The following SLC9A2 variants were observed in gnomAD, a reference collection of about 807,000 sequenced individuals.
SLC9A2 encodes solute carrier family 9 member A2.
In SLC9A2, 42 loss-of-function variants were observed where a neutral mutation model predicts 71.7. That is an observed-to-expected ratio of 0.59 (90% CI 0.46 to 0.76). The LOEUF is 0.76. Among genes scored for constraint, SLC9A2 ranks in the 30% least tolerant of loss-of-function variants. The pLI is 0.00. For missense variants in SLC9A2, 829 were observed against 1,017.4 expected (o/e 0.81, Z 2.52); for synonymous variants, 396 against 392.5 (o/e 1.01, Z -0.10).
At chr2:102,639,593 T>TA (rs1397493449) in intron 1 of SLC9A2, among the ~76,000 whole-genome samples, 1 of 152,224 alleles carries the variant, frequency 6.6e-6, no homozygotes, top group Non-Finnish European at 1.5e-5. Context: ...AGTGAACAAT[T>TA]CAGTGGCATT....
chr2:102,701,925 AG>A (rs1258938039), intron 8 of SLC9A2, among the ~76,000 whole-genome samples: 1 of 152,214 alleles, frequency 6.6e-6, no homozygotes, highest in Non-Finnish European at 1.5e-5. Flanking sequence ...AATATTAGCA[AG>A]TAGGTGAGGT....
intron 1 of SLC9A2, 114 bp from the exon 2 acceptor site, chr2:102,657,450 C>A: frequency 1.5e-6 from 1 of 665,638 alleles, no homozygotes. Context: ...GACAGTGATA[C>A]TGACTTGGGA....
chr2:102,690,240 C>T (rs1299530274), intron 5 of SLC9A2, among the ~76,000 whole-genome samples: 2 of 152,112 alleles, frequency 1.3e-5, no homozygotes, highest in Non-Finnish European at 2.9e-5. Flanking sequence ...AGGCCTCTAG[C>T]AACTGTGACA....
At chr2:102,682,968 C>G (rs1390433900) in intron 3 of SLC9A2, among the ~76,000 whole-genome samples, 2 of 152,142 alleles carry the variant, frequency 1.3e-5, no homozygotes, top group African/African-American at 4.8e-5. Flanking sequence ...GAAAGGAGAG[C>G]TGATGGTGTC....
chr2:102,634,721 T>G (rs555869496), intron 1 of SLC9A2, among the ~76,000 whole-genome samples: 1 of 152,356 alleles, frequency 6.6e-6, no homozygotes, highest in African/African-American at 2.4e-5. Flanking sequence ...ATTTTTTTTC[T>G]GCTTTTGCTA....
In SLC9A2 at chr2:102,619,801, G is replaced by T. The variant is rs991236607; in HGVS notation, c.-48G>T. 6.9e-7 allele frequency: 1 copy of T among 1,441,882 alleles called. No homozygotes were observed. The highest frequency in any genetic ancestry group is 9.1e-7 in the Non-Finnish European group (1 of 1,098,584). 89.3% of individuals were successfully genotyped at this position (1,441,882 alleles called of 1,614,324 possible). A position where few individuals can be genotyped will look rare whatever the true frequency, so the allele number is the denominator to read the frequency against. ...GCAGCCCGGGCGCGATGCGTTGAGC[G>T]CTCGGAGGGCCAACCGCCGGTCCCC... On this transcript the variant is annotated 5_prime_UTR_variant, in exon 1 of 12. Coordinates refer to ENST00000233969, the MANE Select transcript of SLC9A2 (RefSeq NM_003048.6). This position sits in a 1 kb window ranked among gnomAD's most constrained non-coding sequence, Gnocchi z 4.3.
At chr2:102,654,989 G>T (rs1195484711) in intron 1 of SLC9A2, among the ~76,000 whole-genome samples, 6 of 152,320 alleles carry the variant, frequency 3.9e-5, no homozygotes, top group African/African-American at 1.4e-4. Context: ...AATGGAGTTT[G>T]CAGGACTGGA....
At chr2:102,708,062 A>T in intron 11 of SLC9A2, 57 bp from the exon 12 acceptor site, 5 of 1,554,992 alleles carry the variant, frequency 3.2e-6, no homozygotes, top group Non-Finnish European at 4.3e-6. Flanking sequence ...TACTGAAGTT[A>T]CTTGCAATGC....
At chr2:102,675,645 C>T (rs903537443) in intron 3 of SLC9A2, among the ~76,000 whole-genome samples, 7 of 152,010 alleles carry the variant, frequency 4.6e-5, no homozygotes, top group Admixed American at 4.6e-4. Context: ...TGTGAAGATG[C>T]CTGCACACTA....
At chr2:102,665,691 A>C (rs1347741806) in intron 3 of SLC9A2, among the ~76,000 whole-genome samples, 1 of 141,452 alleles carries the variant, frequency 7.1e-6, no homozygotes. Flanking sequence ...GGAGGATGGC[A>C]TGAACCCGGG....
intron 3 of SLC9A2, among the ~76,000 whole-genome samples, chr2:102,675,495 G>C (rs1226648069): frequency 1.3e-5 from 2 of 152,120 alleles, no homozygotes; most frequent in Non-Finnish European, 2.9e-5. Flanking sequence ...TGGTACTCTG[G>C]GTGAAAGCTG....
chr2:102,658,768 TTGAG>T (rs1676994956), intron 2 of SLC9A2, among the ~76,000 whole-genome samples: 1 of 152,060 alleles, frequency 6.6e-6, no homozygotes, highest in Non-Finnish European at 1.5e-5. Context: ...CAGGCAAGGA[TTGAG>T]AGAAGGGATG....
intron 1 of SLC9A2, among the ~76,000 whole-genome samples, chr2:102,646,768 A>ATATATATATAT (rs1676731084): frequency 6.8e-5 from 9 of 132,982 alleles, no homozygotes; most frequent in African/African-American, 2.8e-4. Flanking sequence ...AACGATCCTA[A>ATATATATATAT]ATATATATAT....
intron 3 of SLC9A2, among the ~76,000 whole-genome samples, chr2:102,666,147 A>G (rs144744667): frequency 1.7e-4 from 26 of 152,184 alleles, no homozygotes; most frequent in African/African-American, 6.3e-4. Flanking sequence ...TAGTCATTCA[A>G]AGCAAAATCA....
chr2:102,710,195 T>G lies in SLC9A2; in HGVS notation c.*1706T>G, dbSNP rs1460910339. ...TTTGAAAACTACAGGCTTAGGACTC[T>G]GTGCCAAAAATCTCTATTTTAAATG... On this transcript the variant is annotated 3_prime_UTR_variant, in exon 12 of 12. Transcript: ENST00000233969. 4 of 152,792 alleles carry G rather than the reference T, an allele frequency of 2.6e-5. No individual in the cohort carries two copies. Among genetic ancestry groups the G allele is most frequent in the Admixed American group, 2.6e-4 (4 of 15,284 alleles). The allele number at this position is 152,792 out of a possible 1,614,324, so 9.5% of individuals were successfully genotyped here.
At chr2:102,623,249 T>A (rs1053083131) in intron 1 of SLC9A2, among the ~76,000 whole-genome samples, 3 of 152,180 alleles carry the variant, frequency 2.0e-5, no homozygotes, top group Admixed American at 6.5e-5. Context: ...ACAGAGATGA[T>A]AATTTCCATG....
chr2:102,696,571 A>T (rs1677773094), intron 7 of SLC9A2, among the ~76,000 whole-genome samples: 1 of 152,182 alleles, frequency 6.6e-6, no homozygotes, highest in Non-Finnish European at 1.5e-5. Flanking sequence ...GACACAACAA[A>T]ACCGTCACAC....
chr2:102,682,966 A>G (rs1246096582), intron 3 of SLC9A2, among the ~76,000 whole-genome samples: 3 of 152,206 alleles, frequency 2.0e-5, no homozygotes, highest in Non-Finnish European at 2.9e-5. Flanking sequence ...CAGAAAGGAG[A>G]GCTGATGGTG....
At chr2:102,645,613 C>T (rs1002907110) in intron 1 of SLC9A2, among the ~76,000 whole-genome samples, 3 of 151,906 alleles carry the variant, frequency 2.0e-5, no homozygotes, top group Non-Finnish European at 4.4e-5. Flanking sequence ...CATAAATGAC[C>T]TGATGGAGCT....
Sources: allele counts gnomAD v4.1 joint callset (sites outside exome capture counted in the v4.1 genomes callset), GRCh38; gene constraint gnomAD v4.1.1; non-coding constraint Gnocchi (gnomAD v3.1); transcripts MANE v1.5; gene names NCBI Gene and HGNC (gene_info 2026-07-23, HGNC 2026-07-21).